WDPCP: variants seen among roughly 807,000 people sequenced by gnomAD.
WDPCP encodes WD repeat-containing and planar cell polarity effector protein fritz homolog.
In WDPCP, 71 loss-of-function variants were observed where a neutral mutation model predicts 93.1. That is an observed-to-expected ratio of 0.76 (90% CI 0.63 to 0.93). The LOEUF is 0.93. WDPCP is among the 40% of genes least tolerant of loss of function. The pLI is 0.00. For synonymous variants in WDPCP, 315 were observed against 315.0 expected, an observed-to-expected ratio of 1.00 and a Z score of 0.00; for missense variants, 844 against 887.4, an observed-to-expected ratio of 0.95 and a Z score of 0.62.
rs976678712 is a variant in WDPCP at position 63,588,107 on chromosome 2, A to C, written c.75+90T>G. 6.3e-6 allele frequency: 9 copies of C among 1,434,230 alleles called. No homozygotes were observed. The Admixed American group carries it at 1.6e-4, about 25-fold the overall frequency. The allele number at this position is 1,434,230 out of a possible 1,614,324, so 88.8% of individuals were successfully genotyped here. A position where few individuals can be genotyped will look rare whatever the true frequency, so the allele number is the denominator to read the frequency against. ...CCGGCGAGCTTGCAGGCATCCGCAC[A>C]GCGGATAAAAGCAAAGCGGGACGGC... On this transcript the variant is annotated intron_variant, in intron 1 of 17. Coordinates refer to ENST00000272321, the MANE Select transcript of WDPCP (RefSeq NM_015910.7).
At chr2:63,350,781 G>A (rs1689542841) in intron 12 of WDPCP, among the ~76,000 whole-genome samples, 1 of 151,956 alleles carries the variant, frequency 6.6e-6, no homozygotes, top group Non-Finnish European at 1.5e-5. Flanking sequence ...GCATTTCTGT[G>A]GCACGGCAAG....
Position 63,121,945 on chromosome 2 carries a change from T to A in WDPCP, c.*61A>T. On this transcript the variant is annotated 3_prime_UTR_variant, in exon 18 of 18. Transcript: ENST00000272321. ...AAAAATCCACACGGGGGATTTTAAG[T>A]CTGTATCAGGCCATGAAAAGTTTAG... 3 of 1,605,596 alleles carry A rather than the reference T, an allele frequency of 1.9e-6. No homozygotes were observed. Among genetic ancestry groups the A allele is most frequent in the Non-Finnish European group, 2.5e-6 (3 of 1,177,670 alleles).
At chr2:63,505,636 A>G (rs1701823204) in intron 1 of WDPCP, among the ~76,000 whole-genome samples, 1 of 152,144 alleles carries the variant, frequency 6.6e-6, no homozygotes, top group Non-Finnish European at 1.5e-5. Flanking sequence ...TTTGTGGCAA[A>G]TAACTGTTCA....
At chr2:63,235,658 G>T (rs563331268) in intron 14 of WDPCP, among the ~76,000 whole-genome samples, 5 of 152,104 alleles carry the variant, frequency 3.3e-5, no homozygotes, top group African/African-American at 1.2e-4. Context: ...CCATGATCAA[G>T]CAGGCTTTAT....
At chr2:63,518,410 A>G (rs1022257581) in intron 1 of WDPCP, 1 of 152,168 alleles carries the variant, frequency 6.6e-6, no homozygotes, top group African/African-American at 2.4e-5. Flanking sequence ...TGAGTTGAGC[A>G]GGTAAATGGT....
rs902798881 is a variant in WDPCP, at chr2:63,381,688, T to A, written c.1624+218A>T. ...CACTGTAAGCTCCAACATAAGCATA[T>A]ACAGAAAAGCTGTTCTTTATGTTGA... is the stretch of plus-strand genomic sequence containing the variant. On this transcript the variant is annotated intron_variant, in intron 11 of 17. Coordinates refer to ENST00000272321, the MANE Select transcript of WDPCP (RefSeq NM_015910.7). Among the ~76,000 whole-genome samples the A allele has an allele frequency of 2.6e-5, 4 of 152,294 alleles. No individual in the cohort carries two copies. The East Asian group carries it at 7.7e-4, about 29-fold the overall frequency.
intron 6 of WDPCP, among the ~76,000 whole-genome samples, chr2:63,466,008 T>A (rs996118793): frequency 6.6e-6 from 1 of 152,096 alleles, no homozygotes; most frequent in African/African-American, 2.4e-5. Flanking sequence ...CTGTGCCTAG[T>A]TTGGGAACTT....
At chr2:63,413,572 C>T (rs535259731) in intron 9 of WDPCP, among the ~76,000 whole-genome samples, 7 of 152,144 alleles carry the variant, frequency 4.6e-5, no homozygotes, top group Admixed American at 2.6e-4. Context: ...CCGAGACGAG[C>T]GGATCATGAG....
At chr2:63,161,293 T>C (rs1441696483) in intron 15 of WDPCP, among the ~76,000 whole-genome samples, 1 of 152,212 alleles carries the variant, frequency 6.6e-6, no homozygotes, top group Non-Finnish European at 1.5e-5. Flanking sequence ...TTTGCATATA[T>C]ATATATAAAT....
intron 13 of WDPCP, among the ~76,000 whole-genome samples, chr2:63,289,135 G>A (rs973471670): frequency 2.6e-5 from 4 of 152,068 alleles, no homozygotes; most frequent in African/African-American, 9.7e-5. Flanking sequence ...GATATTTCAT[G>A]AGAAAATATT....
intron 2 of WDPCP, among the ~76,000 whole-genome samples, chr2:63,703,884 C>T (rs1468065364): frequency 2.6e-5 from 4 of 152,098 alleles, no homozygotes; most frequent in Admixed American, 2.0e-4. Flanking sequence ...TATAAATTAC[C>T]TTGGGCAGTA....
chr2:63,415,609 A>T (rs1575373082), intron 9 of WDPCP, among the ~76,000 whole-genome samples: 1 of 152,234 alleles, frequency 6.6e-6, no homozygotes, highest in African/African-American at 2.4e-5. Flanking sequence ...GTTTGAATCC[A>T]GGTCTGTCTG....
intron 13 of WDPCP, among the ~76,000 whole-genome samples, chr2:63,291,059 T>A (rs1486082974): frequency 6.6e-5 from 10 of 152,208 alleles, no homozygotes; most frequent in Non-Finnish European, 1.3e-4. Flanking sequence ...TTTTTTGAAA[T>A]ATTTTTGTTT....
chr2:63,661,530 A>T (rs1030498415), intron 2 of WDPCP, among the ~76,000 whole-genome samples: 6 of 152,244 alleles, frequency 3.9e-5, no homozygotes, highest in Non-Finnish European at 8.8e-5. Context: ...AAATAATGAT[A>T]GAATGAACAT....
chr2:63,170,937 G>T (rs1673338708), intron 15 of WDPCP, among the ~76,000 whole-genome samples: 1 of 150,270 alleles, frequency 6.7e-6, no homozygotes, highest in Non-Finnish European at 1.5e-5. Flanking sequence ...GTTGATTTTT[G>T]ATGAAGGTGT....
intron 2 of WDPCP, among the ~76,000 whole-genome samples, chr2:63,788,883 A>G (rs928449731): frequency 1.3e-5 from 2 of 152,138 alleles, no homozygotes; most frequent in Non-Finnish European, 2.9e-5. Flanking sequence ...ACACATATCT[A>G]TCTATAGAGT....
chr2:63,657,354 G>A (rs1340891806), intron 2 of WDPCP, among the ~76,000 whole-genome samples: 4 of 151,778 alleles, frequency 2.6e-5, no homozygotes, highest in Admixed American at 1.3e-4. Context: ...ACAGGCACCC[G>A]CCACCAAGCC....
chr2:63,693,007 T>C (rs1174476319), intron 2 of WDPCP, among the ~76,000 whole-genome samples: 3 of 152,232 alleles, frequency 2.0e-5, no homozygotes, highest in Admixed American at 6.5e-5. Flanking sequence ...ATGAGGTAGA[T>C]ACCATTATTA....
At chr2:63,409,878 G>C (rs539080910) in intron 9 of WDPCP, among the ~76,000 whole-genome samples, 1 of 152,276 alleles carries the variant, frequency 6.6e-6, no homozygotes, top group African/African-American at 2.4e-5. Flanking sequence ...CAAGAAGTCT[G>C]GGATCACGTT....
Sources: allele counts gnomAD v4.1 joint callset (sites outside exome capture counted in the v4.1 genomes callset), GRCh38; gene constraint gnomAD v4.1.1; transcripts MANE v1.5; gene names NCBI Gene and HGNC (gene_info 2026-07-23, HGNC 2026-07-21).